The following OPHN1 variants were observed in gnomAD, a reference collection of about 807,000 sequenced individuals.
OPHN1 encodes oligophrenin-1.
A neutral mutation model predicts 60.7 loss-of-function variants in OPHN1; 11 were observed. The observed-to-expected ratio is 0.18, with a 90% CI of 0.11 to 0.30. The LOEUF (loss-of-function observed/expected upper bound fraction) is 0.30. OPHN1 is among the 10% of genes least tolerant of loss of function. The pLI is 1.00. For synonymous variants in OPHN1, 226 were observed against 222.6 expected (o/e 1.02, Z -0.14); for missense variants, 449 against 611.0 (o/e 0.73, Z 2.80).
chrX:68,213,798 G>T, intron 7 of OPHN1, 64 bp downstream of exon 7: 1 of 668,870 alleles, frequency 1.5e-6, no homozygotes, highest in Non-Finnish European at 2.4e-6. Flanking sequence ...TATGATCAAA[G>T]TTTGTACATT....
At chrX:68,250,410 T>A (rs1165673741) in intron 5 of OPHN1, among the ~76,000 whole-genome samples, 1 of 111,569 alleles carries the variant, frequency 9.0e-6, no homozygotes, top group Non-Finnish European at 1.9e-5. Context: ...CATTTTAGAG[T>A]TGAAAACAAG....
chrX:68,216,104 A>G (rs1322554134), intron 6 of OPHN1, among the ~76,000 whole-genome samples: 2 of 111,792 alleles, frequency 1.8e-5, no homozygotes, highest in Non-Finnish European at 3.8e-5. Context: ...GACTAAATGG[A>G]GAAATTGGAA....
intron 5 of OPHN1, among the ~76,000 whole-genome samples, chrX:68,271,026 G>A (rs896410140): frequency 3.4e-4 from 38 of 111,514 alleles, no homozygotes; most frequent in Non-Finnish European, 5.8e-4. Context: ...ATATGTATGA[G>A]TAAGGGCCTA....
Position 68,431,583 on chromosome X carries a change from AT to A in OPHN1, c.154+1283del, listed in dbSNP as rs367572189. Among the ~76,000 whole-genome samples the A allele has an allele frequency of 5.9e-3, 555 of 93,558 alleles. 5 individuals are homozygous for A. The highest frequency in any genetic ancestry group is 0.02 in the African/African-American group (518 of 26,073). 81.2% of individuals were successfully genotyped at this position (93,558 alleles called of 115,157 possible). A position where few individuals can be genotyped will look rare whatever the true frequency, so the allele number is the denominator to read the frequency against. On this transcript the variant is annotated intron_variant, in intron 2 of 24. Transcript: ENST00000355520. ...AGGTGCCTGCCACCATGCCCAGCTA[AT>A]TTTTTTTTTTTTTTTGTATTTTTAG...
chrX:68,071,591 G>A, intron 20 of OPHN1: 1 of 574,636 alleles, frequency 1.7e-6, no homozygotes, highest in Admixed American at 2.2e-5. Flanking sequence ...GGCTCATAAG[G>A]ACTACTGACT....
At chrX:68,419,379 C>A (rs912537965) in intron 2 of OPHN1, among the ~76,000 whole-genome samples, 1 of 109,713 alleles carries the variant, frequency 9.1e-6, no homozygotes, top group Non-Finnish European at 1.9e-5. Context: ...CCCCGCACTT[C>A]CCCATTTAGT....
intron 15 of OPHN1, among the ~76,000 whole-genome samples, chrX:68,149,006 T>C (rs973484611): frequency 1.8e-5 from 2 of 111,600 alleles, no homozygotes; most frequent in Non-Finnish European, 3.8e-5. Flanking sequence ...TAGCAAAATT[T>C]TTCATGGCCC....
At chrX:68,194,384 C>T (rs1293365699) in intron 13 of OPHN1, 81 bp downstream of exon 13, 8 of 803,967 alleles carry the variant, frequency 1.0e-5, no homozygotes, top group African/African-American at 6.1e-5. Context: ...TAGTAGTACA[C>T]ATCATTAATG....
At chrX:68,162,346 T>A (rs1417101697) in intron 15 of OPHN1, among the ~76,000 whole-genome samples, 2 of 110,052 alleles carry the variant, frequency 1.8e-5, no homozygotes, top group African/African-American at 6.6e-5. Flanking sequence ...ACCTTATATA[T>A]GTTATTTAAG....
chrX:68,318,027 G>A (rs2078217595), intron 2 of OPHN1, among the ~76,000 whole-genome samples: 1 of 112,105 alleles, frequency 8.9e-6, no homozygotes, highest in Admixed American at 9.5e-5. Flanking sequence ...ACAACACCAA[G>A]CAATCTGCCA....
At chrX:68,132,874 C>T (rs919463696) in intron 15 of OPHN1, 4 of 288,228 alleles carry the variant, frequency 1.4e-5, no homozygotes, top group Non-Finnish European at 2.4e-5. Context: ...CCTGGCGAAC[C>T]AGGCGACGCT....
At chrX:68,153,409 A>C (rs911527657) in intron 15 of OPHN1, among the ~76,000 whole-genome samples, 1 of 110,958 alleles carries the variant, frequency 9.0e-6, no homozygotes, top group African/African-American at 3.3e-5. Context: ...AGAGCTGAAA[A>C]TAGGAGAAAT....
At chrX:68,339,412 C>T (rs1283715924) in intron 2 of OPHN1, among the ~76,000 whole-genome samples, 1 of 110,320 alleles carries the variant, frequency 9.1e-6, no homozygotes, top group East Asian at 2.9e-4. Context: ...AGATTTGAGC[C>T]AGGACACAGG....
At chrX:68,195,249 T>C (rs2077508266) in intron 12 of OPHN1, among the ~76,000 whole-genome samples, 1 of 111,473 alleles carries the variant, frequency 9.0e-6, no homozygotes. Context: ...CTAATGGGCA[T>C]TATAAAATTT....
intron 21 of OPHN1, among the ~76,000 whole-genome samples, chrX:68,054,864 C>A (rs2076866647): frequency 9.0e-6 from 1 of 111,646 alleles, no homozygotes; most frequent in Non-Finnish European, 1.9e-5. Flanking sequence ...GTCAGTGGAT[C>A]TTTATATTCA....
At chrX:68,080,774 C>T (rs929293674) in intron 19 of OPHN1, among the ~76,000 whole-genome samples, 1 of 111,769 alleles carries the variant, frequency 8.9e-6, no homozygotes, top group Non-Finnish European at 1.9e-5. Flanking sequence ...GAAAAATGAA[C>T]TCCTCTCCAT....
intron 15 of OPHN1, among the ~76,000 whole-genome samples, chrX:68,132,079 T>C (rs956620212): frequency 9.9e-5 from 11 of 111,407 alleles, no homozygotes; most frequent in Non-Finnish European, 1.7e-4. Context: ...TAGAGGAAAA[T>C]TCAGTTTTTG....
chrX:68,372,745 G>T (rs1049642320), intron 2 of OPHN1, among the ~76,000 whole-genome samples: 1 of 110,638 alleles, frequency 9.0e-6, no homozygotes, highest in African/African-American at 3.3e-5. Context: ...AGTTTCCAGT[G>T]ACACTACTCC....
chrX:68,279,326 C>T (rs1245505531), intron 4 of OPHN1, among the ~76,000 whole-genome samples: 1 of 106,440 alleles, frequency 9.4e-6, no homozygotes, highest in African/African-American at 3.4e-5. Flanking sequence ...GACCAGGCTG[C>T]TCTTGAACTC....
Sources: gnomAD v4.1 joint callset for allele counts (sites outside exome capture counted in the v4.1 genomes callset) on GRCh38, gnomAD v4.1.1 for gene constraint, MANE v1.5 for transcripts, NCBI Gene and HGNC (gene_info 2026-07-23, HGNC 2026-07-21) for gene names.